EPHA6: variants seen among roughly 807,000 people sequenced by gnomAD.
EPHA6 encodes EPH receptor A6, also known as ephrin type-A receptor 6.
EPHA6 carries 50 observed loss-of-function variants against 112.0 expected under a neutral mutation model. The observed-to-expected ratio is 0.45, with a 90% CI of 0.36 to 0.56. The LOEUF is 0.56. Ranked by LOEUF, EPHA6 falls within the 20% of genes least tolerant of loss-of-function variation. EPHA6 has a pLI of 0.00. For missense variants in EPHA6, 1,280 were observed against 1,417.4 expected (o/e 0.90, Z 1.56); for synonymous variants, 529 against 490.7 (o/e 1.08, Z -1.03).
chr3:96,843,231 C>G (rs1036897998), intron 1 of EPHA6, among the ~76,000 whole-genome samples: 2 of 151,972 alleles, frequency 1.3e-5, no homozygotes, highest in African/African-American at 4.8e-5. Context: ...TATTCTTGAT[C>G]AAGCTGTTAC....
chr3:97,527,081 A>G (rs2092631331), intron 10 of EPHA6, among the ~76,000 whole-genome samples: 1 of 152,164 alleles, frequency 6.6e-6, no homozygotes, highest in Non-Finnish European at 1.5e-5. Flanking sequence ...AAAAGCTGTT[A>G]CAGGATAGCT....
In EPHA6 at chr3:97,334,584, G is replaced by C. The variant is rs142020833; in HGVS notation, c.1607-70566G>C. On this transcript the variant is annotated intron_variant, in intron 5 of 17. Coordinates refer to ENST00000389672, the MANE Select transcript of EPHA6 (RefSeq NM_001080448.3). The stretch of plus-strand genomic sequence containing the variant: ...AACCTTGAGATACCGTGCTCAAGCA[G>C]TTCTCTCACTTCAGCCTCTCAAGTA... 5.1e-3 allele frequency among the ~76,000 whole-genome samples: 761 copies of C among 150,016 alleles called. 4 individuals are homozygous for C. Among genetic ancestry groups the C allele is most frequent in the African/African-American group, 0.017 (707 of 40,754 alleles).
intron 3 of EPHA6, among the ~76,000 whole-genome samples, chr3:97,082,067 A>G (rs1312025631): frequency 1.3e-5 from 2 of 151,766 alleles, no homozygotes; most frequent in Non-Finnish European, 3.0e-5. Context: ...TAAAAATTAT[A>G]TATGTTTATC....
intron 6 of EPHA6, among the ~76,000 whole-genome samples, chr3:97,411,169 A>T (rs1241193828): frequency 6.6e-6 from 1 of 151,952 alleles, no homozygotes; most frequent in Non-Finnish European, 1.5e-5. Context: ...GAATTTACTG[A>T]TACAAACACT....
chr3:97,283,462 A>C (rs2080356605), intron 5 of EPHA6, among the ~76,000 whole-genome samples: 1 of 152,186 alleles, frequency 6.6e-6, no homozygotes, highest in Admixed American at 6.5e-5. Context: ...ATGATAGGAT[A>C]CAGTTATCTA....
chr3:97,726,974 G>T (rs183619427), intron 15 of EPHA6, among the ~76,000 whole-genome samples: 1 of 151,960 alleles, frequency 6.6e-6, no homozygotes, highest in Non-Finnish European at 1.5e-5. Flanking sequence ...GCAGTCTTGG[G>T]TTTTGTTTCG....
rs1342269952 is a variant in EPHA6, at chr3:96,914,034, T to TGAATATGTAA, written c.450+47149_450+47150insATGTAAGAAT. On this transcript the variant is annotated intron_variant, in intron 2 of 17. Coordinates refer to ENST00000389672, the MANE Select transcript of EPHA6 (RefSeq NM_001080448.3). ...AATGTTAAATATGCGCCTAACGATA[T>TGAATATGTAA]GAATTTCTCTTATTACAACTTAAAA... 3.9e-5 allele frequency among the ~76,000 whole-genome samples: 6 copies of TGAATATGTAA among 152,160 alleles called. No individual in the cohort carries two copies. The East Asian group carries it at 1.2e-3, about 29-fold the overall frequency.
intron 1 of EPHA6, among the ~76,000 whole-genome samples, chr3:96,838,503 T>C (rs2107311770): frequency 6.6e-6 from 1 of 152,312 alleles, no homozygotes; most frequent in East Asian, 1.9e-4. Flanking sequence ...TGAACTAATT[T>C]ACTTTCCCAC....
chr3:97,689,762 C>G (rs1330776971), intron 14 of EPHA6, among the ~76,000 whole-genome samples: 1 of 152,058 alleles, frequency 6.6e-6, no homozygotes, highest in Admixed American at 6.5e-5. Flanking sequence ...TTGTCACACC[C>G]CCCCTAAAAA....
At chr3:96,950,115 A>G (rs1035132595) in intron 2 of EPHA6, among the ~76,000 whole-genome samples, 1 of 152,144 alleles carries the variant, frequency 6.6e-6, no homozygotes, top group Non-Finnish European at 1.5e-5. Context: ...GCAGACATTA[A>G]AGGATCTTGG....
chr3:96,845,229 GT>G (rs1226848557), intron 1 of EPHA6, among the ~76,000 whole-genome samples: 2 of 152,106 alleles, frequency 1.3e-5, no homozygotes, highest in Admixed American at 6.6e-5. Flanking sequence ...GTGGCAGCAT[GT>G]AAAAAAATGT....
intron 2 of EPHA6, among the ~76,000 whole-genome samples, chr3:96,899,284 C>G (rs1033452853): frequency 6.6e-6 from 1 of 152,128 alleles, no homozygotes; most frequent in Non-Finnish European, 1.5e-5. Context: ...ATATCTGTGT[C>G]TTCATACAGC....
At chr3:97,031,263 A>T (rs1165647143) in intron 3 of EPHA6, among the ~76,000 whole-genome samples, 1 of 152,134 alleles carries the variant, frequency 6.6e-6, no homozygotes, top group Admixed American at 6.6e-5. Context: ...CTGAAACTGG[A>T]TCCATTCCTT....
intron 15 of EPHA6, among the ~76,000 whole-genome samples, chr3:97,729,944 C>T (rs4857064): frequency 0.98 from 149,361 of 152,192 alleles, 73,312 homozygotes; most frequent in East Asian, 0.99. Context: ...AAAAATAAAA[C>T]CATTTCACAT....
intron 1 of EPHA6, among the ~76,000 whole-genome samples, chr3:96,839,329 C>T (rs1330701678): frequency 2.6e-5 from 4 of 152,030 alleles, no homozygotes; most frequent in Non-Finnish European, 5.9e-5. Context: ...GTGAACTACA[C>T]ATGTGAGGGA....
Position 97,749,759 on chromosome 3 carries a change from G to A in EPHA6, c.*1058G>A, listed in dbSNP as rs986125241. On this transcript the variant is annotated 3_prime_UTR_variant, in exon 18 of 18. Transcript: ENST00000389672. ...ACATGGTGGCCCAAGAAAATAAACA[G>A]ACTTAGCTGATCATTTGGTATTGGC... 2.0e-5 allele frequency among the ~76,000 whole-genome samples: 3 copies of A among 152,142 alleles called. No individual in the cohort carries two copies. The highest frequency in any genetic ancestry group is 4.4e-5 in the Non-Finnish European group (3 of 68,016).
chr3:96,899,701 T>C (rs866285833), intron 2 of EPHA6, among the ~76,000 whole-genome samples: 154 of 152,322 alleles, frequency 1.0e-3, no homozygotes, highest in African/African-American at 3.4e-3. Flanking sequence ...AACAATTAAC[T>C]GTTTTGTTTT....
intron 5 of EPHA6, among the ~76,000 whole-genome samples, chr3:97,286,723 G>A (rs188256539): frequency 2.6e-5 from 4 of 151,104 alleles, no homozygotes; most frequent in African/African-American, 7.3e-5. Context: ...TGGTAACTTG[G>A]ACTCTTTTTA....
At chr3:97,706,845 C>A (rs568849286) in intron 14 of EPHA6, among the ~76,000 whole-genome samples, 1 of 151,756 alleles carries the variant, frequency 6.6e-6, no homozygotes. Context: ...AGACCCCTTA[C>A]CCTCTGTGCT....
Sources: allele counts gnomAD v4.1 joint callset (sites outside exome capture counted in the v4.1 genomes callset), GRCh38; gene constraint gnomAD v4.1.1; transcripts MANE v1.5; gene names NCBI Gene and HGNC (gene_info 2026-07-23, HGNC 2026-07-21).